The following PRKCA variants were observed in gnomAD, a reference collection of about 807,000 sequenced individuals.
The protein encoded by PRKCA is protein kinase C alpha.
PRKCA carries 27 observed loss-of-function variants against 87.0 expected under a neutral mutation model. That is an observed-to-expected ratio of 0.31 (90% CI 0.23 to 0.43). The LOEUF (loss-of-function observed/expected upper bound fraction) is 0.43. Ranked by LOEUF, PRKCA falls within the 20% of genes least tolerant of loss-of-function variation. The pLI is 1.00. For missense variants in PRKCA, 518 were observed against 852.3 expected, an observed-to-expected ratio of 0.61 and a Z score of 4.88; for synonymous variants, 329 against 311.1, an observed-to-expected ratio of 1.06 and a Z score of -0.61.
intron 2 of PRKCA, among the ~76,000 whole-genome samples, chr17:66,346,565 A>C (rs1907384940): frequency 6.6e-6 from 1 of 152,088 alleles, no homozygotes; most frequent in African/African-American, 2.4e-5. Flanking sequence ...TTTTAGTATG[A>C]AAACTACAGA....
intron 2 of PRKCA, among the ~76,000 whole-genome samples, chr17:66,490,239 G>GT (rs1916178848): frequency 6.6e-6 from 1 of 151,916 alleles, no homozygotes; most frequent in Non-Finnish European, 1.5e-5. Flanking sequence ...TTTATAGTAG[G>GT]TTATGTATAA....
chr17:66,616,501 T>G (rs1219786420), intron 3 of PRKCA, among the ~76,000 whole-genome samples: 2 of 152,198 alleles, frequency 1.3e-5, no homozygotes, highest in African/African-American at 2.4e-5. Flanking sequence ...GTCGAGTATC[T>G]GCTGTGCCCA....
intron 4 of PRKCA, 145 bp from the exon 5 acceptor site, chr17:66,645,238 A>T (rs971467994): frequency 1.9e-6 from 2 of 1,062,050 alleles, no homozygotes; most frequent in Non-Finnish European, 2.7e-6. Context: ...ACATCTGCTA[A>T]CAGTTCTTTA....
Position 66,306,087 on chromosome 17 carries a change from G to C in PRKCA, c.174-9G>C. On this transcript the variant is annotated splice_polypyrimidine_tract_variant and intron_variant, in intron 1 of 16. Coordinates refer to ENST00000413366, the MANE Select transcript of PRKCA (RefSeq NM_002737.3). ...GTTAAGATATTTTGTTCTTGTTTTT[G>C]TTTTTCAGGGGGTTTGGGAAACAAG... 6.2e-7 allele frequency: 1 copy of C among 1,611,306 alleles called. No homozygotes were observed. The highest frequency in any genetic ancestry group is 8.5e-7 in the Non-Finnish European group (1 of 1,178,992).
chr17:66,675,792 C>T (rs1446476181), intron 5 of PRKCA, among the ~76,000 whole-genome samples: 3 of 152,180 alleles, frequency 2.0e-5, no homozygotes, highest in African/African-American at 4.8e-5. Context: ...TCTCCTGAAA[C>T]GGCCTTCTCT....
chr17:66,317,581 C>G (rs1318845810), intron 2 of PRKCA, among the ~76,000 whole-genome samples: 1 of 152,132 alleles, frequency 6.6e-6, no homozygotes, highest in Non-Finnish European at 1.5e-5. Context: ...GTTGCTGAAG[C>G]TGTACAGATA....
In PRKCA at chr17:66,444,748, A is replaced by T. The variant is rs558154073; in HGVS notation, c.206-51453A>T. On this transcript the variant is annotated intron_variant, in intron 2 of 16. Coordinates refer to ENST00000413366, the MANE Select transcript of PRKCA (RefSeq NM_002737.3). ...TGCCTGTGTAAGAGTTAATTTTAGC[A>T]GTTGTGATTGTGAATTATTTGTCAA... Among the ~76,000 whole-genome samples, 3 of 152,274 alleles carry T rather than the reference A, an allele frequency of 2.0e-5. No individual in the cohort carries two copies. The South Asian group carries it at 6.2e-4, about 32-fold the overall frequency.
chr17:66,428,922 A>G (rs1385085786), intron 2 of PRKCA, among the ~76,000 whole-genome samples: 1 of 152,222 alleles, frequency 6.6e-6, no homozygotes, highest in East Asian at 1.9e-4. Context: ...GTACTTAAGC[A>G]TATACTACCT....
chr17:66,511,001 C>T (rs1260095244), intron 3 of PRKCA, among the ~76,000 whole-genome samples: 1 of 152,130 alleles, frequency 6.6e-6, no homozygotes, highest in Non-Finnish European at 1.5e-5. Context: ...CCCACCCCTG[C>T]TCCCCAAATA....
intron 2 of PRKCA, among the ~76,000 whole-genome samples, chr17:66,461,229 GA>G (rs1914842926): frequency 1.4e-5 from 2 of 138,496 alleles, no homozygotes; most frequent in Non-Finnish European, 3.2e-5. Flanking sequence ...AAAAAGAAAA[GA>G]AAATCACATC....
intron 3 of PRKCA, among the ~76,000 whole-genome samples, chr17:66,553,483 A>G (rs1048455414): frequency 2.0e-5 from 3 of 152,212 alleles, no homozygotes; most frequent in African/African-American, 7.2e-5. Context: ...CCAGAGGTAA[A>G]GAGCTTAACT....
chr17:66,374,719 C>CTTTTTTTTTTTTTTTTT (rs35431248), intron 2 of PRKCA, among the ~76,000 whole-genome samples: 3 of 115,828 alleles, frequency 2.6e-5, no homozygotes, highest in African/African-American at 3.3e-5. Context: ...GAGTTGCATT[C>CTTTTTTTTTTTTTTTTT]TTTTTTTTTT....
intron 2 of PRKCA, among the ~76,000 whole-genome samples, chr17:66,472,516 CCAT>C (rs374261487): frequency 4.5e-4 from 68 of 152,298 alleles, no homozygotes; most frequent in Middle Eastern, 3.4e-3. Flanking sequence ...GAACAGAAAT[CCAT>C]CATCAGGTAT....
intron 3 of PRKCA, among the ~76,000 whole-genome samples, chr17:66,505,926 A>C (rs1029730409): frequency 2.0e-5 from 3 of 152,184 alleles, no homozygotes; most frequent in Admixed American, 2.0e-4. Flanking sequence ...ACTCCTGGAC[A>C]TAAGTGATCC....
At chr17:66,522,257 A>T (rs1178549244) in intron 3 of PRKCA, among the ~76,000 whole-genome samples, 1 of 152,230 alleles carries the variant, frequency 6.6e-6, no homozygotes, top group Non-Finnish European at 1.5e-5. Context: ...AAGCCAGTGG[A>T]ACCTGACTAT....
rs73992440 is a variant in PRKCA at position 66,347,672 on chromosome 17, C to T, written c.205+41545C>T. Among the ~76,000 whole-genome samples the T allele has an allele frequency of 9.4e-3, 1,438 of 152,268 alleles. 16 individuals carry two copies. Among genetic ancestry groups the T allele is most frequent in the African/African-American group, 0.032 (1,323 of 41,550 alleles). On this transcript the variant is annotated intron_variant, in intron 2 of 16. Transcript: ENST00000413366. The stretch of plus-strand genomic sequence containing the variant: ...CAATTATTAGTATCACCATCAGTCT[C>T]ATCAAAGAGCCTTTAAGTATTATTA...
At chr17:66,344,840 A>G (rs1907260751) in intron 2 of PRKCA, among the ~76,000 whole-genome samples, 1 of 152,144 alleles carries the variant, frequency 6.6e-6, no homozygotes, top group East Asian at 1.9e-4. Context: ...ATCTCGGCTC[A>G]CTGCAACTTC....
At chr17:66,308,591 T>A (rs144356909) in intron 2 of PRKCA, among the ~76,000 whole-genome samples, 3 of 152,320 alleles carry the variant, frequency 2.0e-5, no homozygotes, top group Middle Eastern at 3.4e-3. Context: ...GTTTACAAAT[T>A]ACAGTTCACA....
chr17:66,591,543 A>T (rs1012984084), intron 3 of PRKCA, among the ~76,000 whole-genome samples: 3 of 152,306 alleles, frequency 2.0e-5, no homozygotes, highest in Non-Finnish European at 2.9e-5. Flanking sequence ...GCATCCTAAA[A>T]TCAAGTTCTT....
Sources: gnomAD v4.1 joint callset for allele counts (sites outside exome capture counted in the v4.1 genomes callset) on GRCh38, gnomAD v4.1.1 for gene constraint, MANE v1.5 for transcripts, NCBI Gene and HGNC (gene_info 2026-07-23, HGNC 2026-07-21) for gene names.